NCAM1: variants seen among roughly 807,000 people sequenced by gnomAD.
The protein encoded by NCAM1 is neural cell adhesion molecule 1, also known as antigen recognized by monoclonal antibody 5.1H11.
NCAM1 carries 14 observed loss-of-function variants against 109.8 expected under a neutral mutation model. The ratio of observed to expected loss-of-function variants is 0.13; its 90% CI spans 0.08 to 0.20. The LOEUF (loss-of-function observed/expected upper bound fraction) is 0.20. NCAM1 is among the 10% of genes least tolerant of loss of function. The pLI, the probability that NCAM1 is intolerant of heterozygous loss-of-function variation, is 1.00. For synonymous variants in NCAM1, 418 were observed against 442.9 expected (o/e 0.94, Z 0.70); for missense variants, 774 against 1,109.9 (o/e 0.70, Z 4.30).
chr11:113,275,543 AAAACT>A lies in NCAM1; in HGVS notation c.*161_*165del, dbSNP rs1197704071. 1 of 958,048 alleles carries A rather than the reference AAAACT, an allele frequency of 1.0e-6. No homozygotes were observed. The highest frequency in any genetic ancestry group is 1.7e-5 in the African/African-American group (1 of 59,968). The allele number at this position is 958,048 out of a possible 1,614,324, so 59.3% of individuals were successfully genotyped here. A position where few individuals can be genotyped will look rare whatever the true frequency, so the allele number is the denominator to read the frequency against. ...TCTCTAGTGTCTTTTGCCTTTAAAA[AAAACT>A]AAACAGATAAAACATGGGAATCTCC... On this transcript the variant is annotated 3_prime_UTR_variant, in exon 20 of 20. Transcript: ENST00000316851.
chr11:113,265,239 C>G (rs1946113861), intron 17 of NCAM1: 6 of 853,570 alleles, frequency 7.0e-6, no homozygotes, highest in Non-Finnish European at 7.0e-6. Context: ...TTGTGTCTGA[C>G]AAAGCAGCAA....
chr11:112,987,721 T>C (rs1392658299), intron 1 of NCAM1, among the ~76,000 whole-genome samples: 1 of 152,172 alleles, frequency 6.6e-6, no homozygotes, highest in Admixed American at 6.6e-5. Flanking sequence ...TGCTCTCTTT[T>C]GGTTTTCATT....
chr11:113,044,441 T>G (rs1479778572), intron 1 of NCAM1, among the ~76,000 whole-genome samples: 2 of 152,076 alleles, frequency 1.3e-5, no homozygotes, highest in African/African-American at 2.4e-5. Flanking sequence ...TCCCAGCACT[T>G]TGGGAGGCTG....
At chr11:113,164,615 G>A (rs1275779823) in intron 1 of NCAM1, among the ~76,000 whole-genome samples, 3 of 152,186 alleles carry the variant, frequency 2.0e-5, no homozygotes, top group African/African-American at 7.2e-5. Context: ...TAAAGGATAA[G>A]GATATTACAG....
At chr11:113,201,666 A>G (rs1944065906) in intron 1 of NCAM1, among the ~76,000 whole-genome samples, 1 of 152,216 alleles carries the variant, frequency 6.6e-6, no homozygotes, top group Non-Finnish European at 1.5e-5. Flanking sequence ...TGTTCAAATA[A>G]ATATTCAGGG....
chr11:113,029,829 A>G (rs782185002), intron 1 of NCAM1, among the ~76,000 whole-genome samples: 1 of 152,216 alleles, frequency 6.6e-6, no homozygotes, highest in Non-Finnish European at 1.5e-5. Flanking sequence ...AGCTGGTAAG[A>G]CTGGTGGAGG....
intron 14 of NCAM1, chr11:113,235,415 A>G (rs1945136067): frequency 7.6e-6 from 6 of 785,700 alleles, no homozygotes; most frequent in Non-Finnish European, 1.1e-5. Flanking sequence ...TTAGAATAAC[A>G]GTGAAGGGGA....
At chr11:113,251,966 C>T in intron 15 of NCAM1, among the ~76,000 whole-genome samples, 1 of 152,204 alleles carries the variant, frequency 6.6e-6, no homozygotes, top group East Asian at 1.9e-4. Context: ...CATTTCTAAT[C>T]TTTAAGAGAA....
At chr11:113,271,590 T>C (rs1011639407) in intron 18 of NCAM1, among the ~76,000 whole-genome samples, 170 bp from the exon 19 acceptor site, 4 of 152,108 alleles carry the variant, frequency 2.6e-5, no homozygotes, top group African/African-American at 9.7e-5. Flanking sequence ...TGATTAAATC[T>C]GAAGCTCAAG....
At chr11:113,009,199 T>C (rs1383376046) in intron 1 of NCAM1, among the ~76,000 whole-genome samples, 1 of 151,782 alleles carries the variant, frequency 6.6e-6, no homozygotes, top group Non-Finnish European at 1.5e-5. Context: ...ACCACGTCGG[T>C]AGAATTATCA....
chr11:113,047,856 C>G lies in NCAM1; in HGVS notation c.52+86192C>G, dbSNP rs1056203101. The stretch of plus-strand genomic sequence containing the variant: ...ATCATGAAAACAGCACAGGAAAGAC[C>G]TGCCCCCATGATTAAATTACCCCCC... On this transcript the variant is annotated intron_variant, in intron 1 of 19. Transcript: ENST00000316851. Among the ~76,000 whole-genome samples, 6 of 152,114 alleles carry G rather than the reference C, an allele frequency of 3.9e-5. No individual in the cohort carries two copies. The East Asian group carries it at 1.2e-3, about 29-fold the overall frequency.
At chr11:113,087,505 A>G (rs1939144133) in intron 1 of NCAM1, among the ~76,000 whole-genome samples, 1 of 152,180 alleles carries the variant, frequency 6.6e-6, no homozygotes, top group South Asian at 2.1e-4. Context: ...GATCTTCAGC[A>G]GTTTGCCATT....
At chr11:113,071,571 G>A (rs746400030) in intron 1 of NCAM1, among the ~76,000 whole-genome samples, 3 of 151,886 alleles carry the variant, frequency 2.0e-5, no homozygotes, top group Non-Finnish European at 4.4e-5. Flanking sequence ...GACTACAGGC[G>A]CCTGCCATGG....
intron 15 of NCAM1, among the ~76,000 whole-genome samples, chr11:113,252,356 T>G (rs3781881): frequency 0.41 from 61,497 of 148,604 alleles, 13,183 homozygotes; most frequent in East Asian, 0.62. Context: ...CAGTGAGCTA[T>G]GATTGTGCCA....
At chr11:112,997,599 A>G (rs1488960541) in intron 1 of NCAM1, among the ~76,000 whole-genome samples, 1 of 152,160 alleles carries the variant, frequency 6.6e-6, no homozygotes, top group African/African-American at 2.4e-5. Context: ...TTAATTTATT[A>G]GATAATAAGA....
intron 14 of NCAM1, chr11:113,243,663 T>C (rs1555119558): frequency 2.0e-6 from 1 of 509,602 alleles, no homozygotes; most frequent in South Asian, 1.4e-5. Context: ...TCCATATGAG[T>C]ATGCGTGCAT....
chr11:113,165,965 G>A (rs1292871767), intron 1 of NCAM1, among the ~76,000 whole-genome samples: 3 of 151,784 alleles, frequency 2.0e-5, no homozygotes, highest in East Asian at 2.0e-4. Flanking sequence ...GACTACAGGC[G>A]CCTACCACCA....
At chr11:113,043,951 T>C (rs1273603624) in intron 1 of NCAM1, among the ~76,000 whole-genome samples, 1 of 152,086 alleles carries the variant, frequency 6.6e-6, no homozygotes, top group African/African-American at 2.4e-5. Context: ...TTCCTTTTTT[T>C]TTTTTTCGAT....
At chr11:113,185,079 T>TATAGAGAGAG in intron 1 of NCAM1, among the ~76,000 whole-genome samples, 1 of 125,758 alleles carries the variant, frequency 8.0e-6, no homozygotes, top group African/African-American at 3.2e-5. Flanking sequence ...TATATATATA[T>TATAGAGAGAG]AGAGAGAGAG....
Sources: allele counts gnomAD v4.1 joint callset (sites outside exome capture counted in the v4.1 genomes callset), GRCh38; gene constraint gnomAD v4.1.1; transcripts MANE v1.5; gene names NCBI Gene and HGNC (gene_info 2026-07-23, HGNC 2026-07-21).